The following SMG6 variants were observed in gnomAD, a reference collection of about 807,000 sequenced individuals.
SMG6 encodes the protein SMG6 nonsense mediated mRNA decay factor.
Under a neutral mutation model 142.2 loss-of-function variants are expected in SMG6, and 66 were observed. That is an observed-to-expected ratio of 0.46 (90% confidence interval 0.38 to 0.57). The LOEUF (loss-of-function observed/expected upper bound fraction) is 0.57, where lower values mean the gene tolerates loss of function less well. Ranked by LOEUF, SMG6 falls within the 20% of genes least tolerant of loss-of-function variation. The pLI is 0.00. For synonymous variants in SMG6, 779 were observed against 702.4 expected (o/e 1.11, Z -1.72); for missense variants, 1,793 against 1,832.0 (o/e 0.98, Z 0.39).
At chr17:2,225,389 G>C (rs1199664761) in intron 10 of SMG6, among the ~76,000 whole-genome samples, 1 of 150,570 alleles carries the variant, frequency 6.6e-6, no homozygotes, top group Non-Finnish European at 1.5e-5. Context: ...TGTAATCCCA[G>C]CTACTCAGGA....
chr17:2,061,609 C>A lies in SMG6; in HGVS notation c.4143G>T (p.Arg1381=). 1 of 1,572,206 alleles carries A rather than the reference C, an allele frequency of 6.4e-7. No homozygotes were observed. Among genetic ancestry groups the A allele is most frequent in the Admixed American group, 1.8e-5 (1 of 54,130 alleles). The part of the protein sequence containing the change: ...FMPASKEEPI[R]LLREVVLLTD... ...TCAACAGCACCACCTCCCGCAGTAG[C>A]CGGATTGGCTCCTCTGTGGGCATGA... The change falls in exon 19 of 19, where the codon CGG becomes CGT. Residue 1381 remains arginine, a synonymous_variant. Transcript: ENST00000263073.
intron 10 of SMG6, among the ~76,000 whole-genome samples, chr17:2,225,852 A>G (rs994431394): frequency 2.6e-5 from 4 of 152,186 alleles, no homozygotes; most frequent in African/African-American, 9.7e-5. Context: ...TGGAAACAAT[A>G]ATCCATCCAA....
At chr17:2,130,266 C>CAAAAAAAAAAAAAAAAAAAAAAAAAAAA (rs903007543) in intron 13 of SMG6, among the ~76,000 whole-genome samples, 5 of 39,494 alleles carry the variant, frequency 1.3e-4, no homozygotes, top group East Asian at 1.4e-3. Flanking sequence ...GACTCCGTCT[C>CAAAAAAAAAAAAAAAAAAAAAAAAAAAA]AAAAAAAAAA....
intron 13 of SMG6, among the ~76,000 whole-genome samples, chr17:2,120,236 T>C (rs2069644798): frequency 6.6e-6 from 1 of 152,238 alleles, no homozygotes; most frequent in Admixed American, 6.5e-5. Context: ...ACCTTTTGCT[T>C]ATCAAAAGAT....
At position 2,162,517 on chromosome 17, in the gene SMG6, GAAAAAAAAA is replaced by G. The variant is rs56092903; in HGVS notation, c.3357+10132_3357+10140del. On this transcript the variant is annotated intron_variant, in intron 13 of 18. Coordinates refer to ENST00000263073, the MANE Select transcript of SMG6 (RefSeq NM_017575.5). ...CGACAGAGTGAGACTCCCCATCTCAGAAAAAAAAAAAAAAAAAAAAAAAAAATCAGTGCT... is the reference window on the plus strand; with the variant it reads ...CGACAGAGTGAGACTCCCCATCTCAGAAAAAAAAAAAAAAAAATCAGTGCT... 1.3e-3 allele frequency among the ~76,000 whole-genome samples: 77 copies of G among 60,648 alleles called. 1 individual carries two copies. The highest frequency in any genetic ancestry group is 1.7e-3 in the Non-Finnish European group (54 of 32,312). The allele number at this position is 60,648 out of a possible 152,430, so 39.8% of individuals were successfully genotyped here. A position where few individuals can be genotyped will look rare whatever the true frequency, so the allele number is the denominator to read the frequency against.
chr17:2,117,695 T>G (rs2760740), intron 13 of SMG6: 3 of 152,022 alleles, frequency 2.0e-5, no homozygotes, highest in Non-Finnish European at 4.4e-5. Context: ...GATGTCAATT[T>G]TCTCAAAACT....
At position 2,212,453 on chromosome 17, in the gene SMG6, TGCAGTGCTGCTG is replaced by T. The variant is rs532411128; in HGVS notation, c.2870-23950_2870-23939del. 4.6e-5 allele frequency among the ~76,000 whole-genome samples: 7 copies of T among 152,294 alleles called. No individual in the cohort carries two copies. In the South Asian group the frequency reaches 1.2e-3, roughly 27 times the overall value. ...TTGCTGCAGATCAATCGATCAGGAC[TGCAGTGCTGCTG>T]GCCCAGTGGCACAAGACAAACCACA... On this transcript the variant is annotated intron_variant, in intron 10 of 18. Transcript: ENST00000263073.
chr17:2,139,418 C>CTTTTT (rs1230767091), intron 13 of SMG6, among the ~76,000 whole-genome samples: 6 of 124,806 alleles, frequency 4.8e-5, no homozygotes, highest in Admixed American at 7.8e-5. Flanking sequence ...AAAGTGCCTG[C>CTTTTT]TTTTTTCTTT....
At chr17:2,291,182 C>T (rs496131) in intron 6 of SMG6, among the ~76,000 whole-genome samples, 87,455 of 151,306 alleles carry the variant, frequency 0.58, 26,304 homozygotes, top group East Asian at 0.75. Flanking sequence ...ATATAAAAAA[C>T]TAGCCGGGCG....
In SMG6 at chr17:2,297,350, T is replaced by C; in HGVS notation, c.2044A>G (p.Ser682Gly). ...TGAAGCAAACTATCAAAGAAGTCACTACCCTATAAAAAGAAAAAAAGAAAT... is the reference window on the plus strand; with the variant it reads ...TGAAGCAAACTATCAAAGAAGTCACCACCCTATAAAAAGAAAAAAAGAAAT... ...NRLLELLDEG[S>G]DFFDSLLQKL... Residue 682 changes from serine (S) to glycine (G), a missense_variant, in exon 4 of 19, where the codon AGT (serine) becomes GGT (glycine). Physicochemically the swap from Ser to Gly is moderately conservative, Grantham distance 56. This residue lies in a region of SMG6 where 1,597 missense variants were observed against 1,584.6 expected (regional missense o/e 1.01). Transcript: ENST00000263073. The C allele has an allele frequency of 6.3e-7, 1 of 1,599,968 alleles. No individual in the cohort carries two copies. The highest frequency in any genetic ancestry group is 1.7e-4 in the Middle Eastern group (1 of 5,990).
intron 10 of SMG6, among the ~76,000 whole-genome samples, chr17:2,220,930 T>G (rs2073152060): frequency 6.6e-6 from 1 of 152,138 alleles, no homozygotes; most frequent in Non-Finnish European, 1.5e-5. Context: ...GTTAAATCCT[T>G]TAAAAAAAAT....
At chr17:2,106,905 C>A (rs2069171366) in intron 13 of SMG6, among the ~76,000 whole-genome samples, 1 of 151,296 alleles carries the variant, frequency 6.6e-6, no homozygotes, top group African/African-American at 2.4e-5. Flanking sequence ...CTCACTGCAA[C>A]CTCCGCCTCC....
At chr17:2,266,234 G>T in intron 8 of SMG6, 1 of 954,866 alleles carries the variant, frequency 1.0e-6, no homozygotes, top group Non-Finnish European at 1.2e-6. Context: ...GTCACGTGGG[G>T]TGGAAAGTGG....
rs971482721 is a variant in SMG6 at position 2,303,748 on chromosome 17, G to A, written c.-28C>T. On this transcript the variant is annotated 5_prime_UTR_variant, in exon 1 of 19. Transcript: ENST00000263073. ...TCGCGGCTGCTGCTACAGCCGTAGC[G>A]GCTCCGCCACCGCCGCGCGCAGCCA... is the stretch of plus-strand genomic sequence containing the variant. 8.1e-6 allele frequency: 12 copies of A among 1,478,632 alleles called. No homozygotes were observed. In the East Asian group the frequency reaches 1.5e-4, roughly 18 times the overall value. The allele number at this position is 1,478,632 out of a possible 1,614,324, so 91.6% of individuals were successfully genotyped here. A position where few individuals can be genotyped will look rare whatever the true frequency, so the allele number is the denominator to read the frequency against.
chr17:2,065,887 T>TCTACC (rs2067929108), intron 16 of SMG6: 9 of 589,936 alleles, frequency 1.5e-5, no homozygotes, highest in Non-Finnish European at 2.4e-5. Flanking sequence ...CCTTTCTGTC[T>TCTACC]CTTCTCCTGG....
chr17:2,236,420 G>C, intron 10 of SMG6, 72 bp downstream of exon 10: 1 of 1,505,036 alleles, frequency 6.6e-7, no homozygotes, highest in Non-Finnish European at 9.1e-7. Flanking sequence ...GGTAGGTATG[G>C]TAACACAAGA....
chr17:2,293,765 C>T (rs1032873215), intron 4 of SMG6, among the ~76,000 whole-genome samples: 9 of 152,236 alleles, frequency 5.9e-5, no homozygotes, highest in East Asian at 1.9e-4. Context: ...TGAGCCATCA[C>T]GCCCACCCAC....
chr17:2,125,412 C>A (rs894369657), intron 13 of SMG6, among the ~76,000 whole-genome samples: 1 of 152,202 alleles, frequency 6.6e-6, no homozygotes, highest in African/African-American at 2.4e-5. Flanking sequence ...GAGGATAATT[C>A]TCTTGGGCTT....
At chr17:2,121,061 G>A (rs140619985) in intron 13 of SMG6, among the ~76,000 whole-genome samples, 35 of 152,312 alleles carry the variant, frequency 2.3e-4, no homozygotes, top group African/African-American at 8.2e-4. Flanking sequence ...CCTGGGCTGC[G>A]TGCAGCCTGT....
Sources: allele counts gnomAD v4.1 joint callset (sites outside exome capture counted in the v4.1 genomes callset), GRCh38; gene constraint gnomAD v4.1.1; regional missense constraint gnomAD v4.1.1; transcripts MANE v1.5; gene names NCBI Gene and HGNC (gene_info 2026-07-23, HGNC 2026-07-21).